The following SLC24A2 variants were observed in gnomAD, a reference collection of about 807,000 sequenced individuals.
SLC24A2 encodes solute carrier family 24 member 2.
SLC24A2 carries 36 observed loss-of-function variants against 62.0 expected under a neutral mutation model. The ratio of observed to expected loss-of-function variants is 0.58; its 90% CI spans 0.44 to 0.77. The LOEUF (loss-of-function observed/expected upper bound fraction) is 0.77, where lower values mean the gene tolerates loss of function less well. Among genes scored for constraint, SLC24A2 ranks in the 30% least tolerant of loss-of-function variants. The pLI, the probability that SLC24A2 is intolerant of heterozygous loss-of-function variation, is 0.00. For synonymous variants in SLC24A2, 358 were observed against 294.0 expected, an observed-to-expected ratio of 1.22 and a Z score of -2.23; for missense variants, 846 against 817.9, an observed-to-expected ratio of 1.03 and a Z score of -0.42.
At chr9:20,196,883 T>C in the SLC24A2 span, among the ~76,000 whole-genome samples, 1 of 152,228 alleles carries the variant, frequency 6.6e-6, no homozygotes, top group Non-Finnish European at 1.5e-5. Flanking sequence ...TTCAATTCCT[T>C]TGTCCATGCA....
intron 2 of SLC24A2, among the ~76,000 whole-genome samples, chr9:19,779,688 A>T (rs947954031): frequency 1.2e-4 from 18 of 152,266 alleles, no homozygotes; most frequent in African/African-American, 4.3e-4. Context: ...TAAATCTAAA[A>T]ATATTGATGG....
chr9:20,048,891 TCCG>T, the SLC24A2 span, among the ~76,000 whole-genome samples: 2 of 151,760 alleles, frequency 1.3e-5, no homozygotes, highest in African/African-American at 2.4e-5. Context: ...TTTTCTTCTT[TCCG>T]CTTTTTTTCC....
At chr9:20,065,020 G>T in the SLC24A2 span, among the ~76,000 whole-genome samples, 1 of 152,196 alleles carries the variant, frequency 6.6e-6, no homozygotes. Flanking sequence ...CTGGCAATCT[G>T]TGTGATTCCA....
chr9:20,287,519 G>GA, the SLC24A2 span, among the ~76,000 whole-genome samples: 5 of 152,052 alleles, frequency 3.3e-5, no homozygotes, highest in Non-Finnish European at 5.9e-5. Flanking sequence ...GTAGCCTCTA[G>GA]AAAAAATACC....
the SLC24A2 span, among the ~76,000 whole-genome samples, chr9:20,106,078 A>G: frequency 6.6e-6 from 1 of 152,238 alleles, no homozygotes; most frequent in Non-Finnish European, 1.5e-5. Context: ...ACCTCTACGC[A>G]AATGAACTAG....
intron 2 of SLC24A2, among the ~76,000 whole-genome samples, chr9:19,710,156 A>T (rs186444628): frequency 6.6e-6 from 1 of 152,202 alleles, no homozygotes; most frequent in Admixed American, 6.5e-5. Context: ...CATTTGTAAT[A>T]AAGCCCTAGC....
the SLC24A2 span, among the ~76,000 whole-genome samples, chr9:19,844,985 T>C: frequency 2.2e-3 from 330 of 150,862 alleles, 1 homozygote; most frequent in African/African-American, 6.9e-3. Flanking sequence ...GAGGATTGCC[T>C]TGGCTATTCA....
intron 2 of SLC24A2, among the ~76,000 whole-genome samples, chr9:19,712,853 T>C (rs773733348): frequency 2.0e-4 from 31 of 152,146 alleles, no homozygotes; most frequent in Non-Finnish European, 4.6e-4. Context: ...GCAGCATCCT[T>C]GTTCTCTATC....
At chr9:19,933,106 C>T in the SLC24A2 span, among the ~76,000 whole-genome samples, 2 of 152,244 alleles carry the variant, frequency 1.3e-5, no homozygotes, top group East Asian at 3.9e-4. Context: ...GTAGAAAATT[C>T]CCAGGTTCTA....
the SLC24A2 span, among the ~76,000 whole-genome samples, chr9:19,795,441 G>A: frequency 2.0e-5 from 3 of 152,136 alleles, no homozygotes; most frequent in African/African-American, 7.2e-5. Flanking sequence ...AGGAAGACAC[G>A]TGACATATAT....
intron 2 of SLC24A2, among the ~76,000 whole-genome samples, chr9:19,727,891 G>T (rs1587228634): frequency 6.6e-6 from 1 of 152,086 alleles, no homozygotes; most frequent in East Asian, 1.9e-4. Flanking sequence ...AGGGGAAAGG[G>T]GCTACTTCCA....
At chr9:19,733,400 C>T (rs1158114112) in intron 2 of SLC24A2, among the ~76,000 whole-genome samples, 1 of 152,130 alleles carries the variant, frequency 6.6e-6, no homozygotes, top group Non-Finnish European at 1.5e-5. Context: ...TTACAATATC[C>T]CCTTCAGTCA....
At chr9:20,085,881 C>G in the SLC24A2 span, among the ~76,000 whole-genome samples, 1 of 152,142 alleles carries the variant, frequency 6.6e-6, no homozygotes, top group African/African-American at 2.4e-5. Flanking sequence ...GTTTTTACTG[C>G]TTTCCCTTTG....
At chr9:20,026,915 C>T in the SLC24A2 span, among the ~76,000 whole-genome samples, 3 of 152,124 alleles carry the variant, frequency 2.0e-5, no homozygotes, top group Admixed American at 2.0e-4. Flanking sequence ...TATTTGCAAA[C>T]TATCCATCTG....
chr9:19,974,653 T>C, the SLC24A2 span, among the ~76,000 whole-genome samples: 1 of 152,208 alleles, frequency 6.6e-6, no homozygotes, highest in Non-Finnish European at 1.5e-5. Flanking sequence ...TAGGATTAGT[T>C]AGAAAACCAC....
intron 2 of SLC24A2, among the ~76,000 whole-genome samples, chr9:19,714,317 C>T (rs1820796624): frequency 6.6e-6 from 1 of 152,160 alleles, no homozygotes; most frequent in Non-Finnish European, 1.5e-5. Flanking sequence ...AGATGGGGTG[C>T]AGCACTCGCA....
the SLC24A2 span, among the ~76,000 whole-genome samples, chr9:20,115,747 C>T: frequency 6.6e-6 from 1 of 152,172 alleles, no homozygotes. Context: ...GAGAGCTCTG[C>T]TTTTCTCCTG....
At chr9:19,908,167 C>G in the SLC24A2 span, among the ~76,000 whole-genome samples, 3 of 152,286 alleles carry the variant, frequency 2.0e-5, no homozygotes, top group Middle Eastern at 3.4e-3. Flanking sequence ...ACAGAGCCCT[C>G]AGAAACAATG....
At chr9:19,869,559 A>C in the SLC24A2 span, among the ~76,000 whole-genome samples, 1 of 152,170 alleles carries the variant, frequency 6.6e-6, no homozygotes, top group Non-Finnish European at 1.5e-5. Context: ...ATTTTTAAAA[A>C]TTATAATTTC....
Sources: gnomAD v4.1 joint callset for allele counts (sites outside exome capture counted in the v4.1 genomes callset) on GRCh38, gnomAD v4.1.1 for gene constraint, MANE v1.5 for transcripts, NCBI Gene and HGNC (gene_info 2026-07-23, HGNC 2026-07-21) for gene names.